The following PTPRN2 variants were observed in gnomAD, a reference collection of about 807,000 sequenced individuals.
PTPRN2 encodes receptor-type tyrosine-protein phosphatase N2.
In PTPRN2, 74 loss-of-function variants were observed where a neutral mutation model predicts 118.8. The ratio of observed to expected loss-of-function variants is 0.62; its 90% CI spans 0.52 to 0.76. The LOEUF (loss-of-function observed/expected upper bound fraction) is 0.76. Among genes scored for constraint, PTPRN2 ranks in the 30% least tolerant of loss-of-function variants. The pLI, the probability that PTPRN2 is intolerant of heterozygous loss-of-function variation, is 0.00. For missense variants in PTPRN2, 1,481 were observed against 1,394.4 expected, an observed-to-expected ratio of 1.06 and a Z score of -0.99; for synonymous variants, 641 against 608.0, an observed-to-expected ratio of 1.05 and a Z score of -0.80.
chr7:158,205,665 G>A (rs1185926988), intron 3 of PTPRN2, among the ~76,000 whole-genome samples: 1 of 152,262 alleles, frequency 6.6e-6, no homozygotes, highest in Admixed American at 6.5e-5. Context: ...CCATATCATT[G>A]AAAGAGGCAC....
chr7:158,259,788 G>C (rs1019815671), intron 3 of PTPRN2, among the ~76,000 whole-genome samples: 2 of 146,792 alleles, frequency 1.4e-5, no homozygotes, highest in Non-Finnish European at 3.0e-5. Flanking sequence ...TGTGTCTCTG[G>C]TATACACGTA....
chr7:157,884,664 C>T, intron 12 of PTPRN2, among the ~76,000 whole-genome samples: 1 of 152,208 alleles, frequency 6.6e-6, no homozygotes, highest in East Asian at 1.9e-4. Flanking sequence ...AGGCACATCT[C>T]ACAGGGTGGC....
At chr7:158,080,289 T>C (rs955307833) in intron 11 of PTPRN2, among the ~76,000 whole-genome samples, 2 of 115,538 alleles carry the variant, frequency 1.7e-5, no homozygotes, top group African/African-American at 7.0e-5. Flanking sequence ...CATTTTACAC[T>C]GGGAAAAAAA....
At position 157,813,036 on chromosome 7, in the gene PTPRN2, C is replaced by T. The variant is rs762897898; in HGVS notation, c.1788+85637G>A. 2.6e-5 allele frequency among the ~76,000 whole-genome samples: 4 copies of T among 152,154 alleles called. No individual in the cohort carries two copies. The highest frequency in any genetic ancestry group is 1.9e-4 in the East Asian group (1 of 5,196). ...GAGCTTCTGTTAAAAAGAGATGACT[C>T]GGTGACAAACAGGAGGACGGTGCTC... On this transcript the variant is annotated intron_variant, in intron 12 of 22. Transcript: ENST00000389418. The surrounding 1 kb of genome is among the most constrained non-coding windows in gnomAD (Gnocchi z 4.7).
rs1289327886 is a variant in PTPRN2, at chr7:157,764,711, A to C, written c.1789-81774T>G. Among the ~76,000 whole-genome samples, 1 of 152,242 alleles carries C rather than the reference A, an allele frequency of 6.6e-6. No individual in the cohort carries two copies. The highest frequency in any genetic ancestry group is 2.4e-5 in the African/African-American group (1 of 41,460). On this transcript the variant is annotated intron_variant, in intron 12 of 22. Coordinates refer to ENST00000389418, the MANE Select transcript of PTPRN2 (RefSeq NM_002847.5). This position sits in a 1 kb window ranked among gnomAD's most constrained non-coding sequence, Gnocchi z 4.5. ...ATTGTACATTTAAAGGTTAAAAATC[A>C]CAAATGTTATATATTTTACCACAAT... is the stretch of plus-strand genomic sequence containing the variant.
intron 1 of PTPRN2, among the ~76,000 whole-genome samples, chr7:158,566,101 C>T (rs1827651191): frequency 6.6e-6 from 1 of 151,984 alleles, no homozygotes; most frequent in Non-Finnish European, 1.5e-5. Context: ...ACCTATAATC[C>T]CAGCACTTTG....
At chr7:157,652,913 G>C (rs1174294593) in intron 14 of PTPRN2, among the ~76,000 whole-genome samples, 1 of 152,242 alleles carries the variant, frequency 6.6e-6, no homozygotes, top group Non-Finnish European at 1.5e-5. Context: ...CCTCTGTGCA[G>C]AAAGCAGCAG....
Position 157,785,117 on chromosome 7 carries a change from C to A in PTPRN2, c.1789-102180G>T, listed in dbSNP as rs1269495684. 6.6e-6 allele frequency among the ~76,000 whole-genome samples: 1 copy of A among 152,100 alleles called. No individual in the cohort carries two copies. Among genetic ancestry groups the A allele is most frequent in the Non-Finnish European group, 1.5e-5 (1 of 68,030 alleles). ...TGTGTGTGTGTTTCCAGAATGTTGG[C>A]ACAGCGGCGAGAAGGCTGACCGAAC... On this transcript the variant is annotated intron_variant, in intron 12 of 22. Transcript: ENST00000389418. The surrounding 1 kb of genome is among the most constrained non-coding windows in gnomAD (Gnocchi z 7.3).
chr7:157,649,224 C>T (rs1415409372), intron 14 of PTPRN2, among the ~76,000 whole-genome samples: 10 of 79,356 alleles, frequency 1.3e-4, no homozygotes, highest in African/African-American at 1.8e-4. Context: ...ACCCATCCAG[C>T]GTGCACTGAA....
At chr7:158,381,648 C>A (rs1049466824) in intron 2 of PTPRN2, among the ~76,000 whole-genome samples, 1 of 152,186 alleles carries the variant, frequency 6.6e-6, no homozygotes, top group Admixed American at 6.5e-5. Flanking sequence ...GTTGCTTCCA[C>A]ATTTTTGGTT....
chr7:158,344,169 A>C (rs1807308359), intron 2 of PTPRN2, among the ~76,000 whole-genome samples: 1 of 152,194 alleles, frequency 6.6e-6, no homozygotes. Flanking sequence ...AGCAAAGCGC[A>C]GGGCCTCACC....
chr7:158,311,682 C>A lies in PTPRN2; in HGVS notation c.277+5137G>T, dbSNP rs184224486. ...AGCTGTCTGTCAATGAATCTGACAACTGCACCTGCAAGAAGTGGCCTGGAT... is the reference window on the plus strand; with the variant it reads ...AGCTGTCTGTCAATGAATCTGACAAATGCACCTGCAAGAAGTGGCCTGGAT... On this transcript the variant is annotated intron_variant, in intron 3 of 22. Coordinates refer to ENST00000389418, the MANE Select transcript of PTPRN2 (RefSeq NM_002847.5). Among the ~76,000 whole-genome samples, 469 of 152,386 alleles carry A rather than the reference C, an allele frequency of 3.1e-3. 1 individual carries two copies. The highest frequency in any genetic ancestry group is 5.2e-3 in the Non-Finnish European group (354 of 68,034).
intron 11 of PTPRN2, among the ~76,000 whole-genome samples, chr7:158,071,315 G>C (rs1319952849): frequency 2.7e-5 from 3 of 109,726 alleles, no homozygotes; most frequent in Admixed American, 9.1e-5. Flanking sequence ...AGGTGCCCAT[G>C]GTAGTGGAGG....
chr7:158,418,523 A>C (rs60941266), intron 2 of PTPRN2, among the ~76,000 whole-genome samples: 1 of 46,516 alleles, frequency 2.1e-5, no homozygotes, highest in Non-Finnish European at 4.8e-5. Flanking sequence ...GTTAAGTCAC[A>C]GTGTACTACA....
At position 158,555,588 on chromosome 7, in the gene PTPRN2, A is replaced by G. The variant is rs1375451657; in HGVS notation, c.112+31970T>C. Among the ~76,000 whole-genome samples the G allele has an allele frequency of 6.6e-6, 1 of 152,150 alleles. No individual in the cohort carries two copies. The highest frequency in any genetic ancestry group is 1.9e-4 in the East Asian group (1 of 5,186). ...AAGAATATATTTCCACTCAACTGGCATCTTCCAGCTGTCCCCCAGACCCAG... is the reference window on the plus strand; with the variant it reads ...AAGAATATATTTCCACTCAACTGGCGTCTTCCAGCTGTCCCCCAGACCCAG... On this transcript the variant is annotated intron_variant, in intron 1 of 22. Coordinates refer to ENST00000389418, the MANE Select transcript of PTPRN2 (RefSeq NM_002847.5). The surrounding 1 kb of genome is among the most constrained non-coding windows in gnomAD (Gnocchi z 4.7).
At chr7:157,546,333 A>G (rs1798320408) in intron 22 of PTPRN2, among the ~76,000 whole-genome samples, 1 of 152,224 alleles carries the variant, frequency 6.6e-6, no homozygotes, top group South Asian at 2.1e-4. Flanking sequence ...TTTGTTACAT[A>G]GGTAAACGTA....
chr7:158,465,877 G>T (rs1819348655), intron 2 of PTPRN2, among the ~76,000 whole-genome samples: 1 of 152,172 alleles, frequency 6.6e-6, no homozygotes, highest in Admixed American at 6.5e-5. Context: ...AGTCATGTGG[G>T]CTAAGCTACT....
At chr7:158,186,902 AAT>A (rs1196486005) in intron 5 of PTPRN2, among the ~76,000 whole-genome samples, 1 of 152,262 alleles carries the variant, frequency 6.6e-6, no homozygotes, top group Non-Finnish European at 1.5e-5. Flanking sequence ...TTGTATGTTA[AAT>A]ATGTTTTTTA....
intron 17 of PTPRN2, among the ~76,000 whole-genome samples, chr7:157,582,791 T>G (rs1585062091): frequency 6.6e-6 from 1 of 151,944 alleles, no homozygotes. Context: ...GGAGAACCTC[T>G]TGAACCTAGG....
Sources: gnomAD v4.1 joint callset for allele counts (sites outside exome capture counted in the v4.1 genomes callset) on GRCh38, gnomAD v4.1.1 for gene constraint, Gnocchi (gnomAD v3.1) non-coding constraint, MANE v1.5 for transcripts, NCBI Gene and HGNC (gene_info 2026-07-23, HGNC 2026-07-21) for gene names.